LY6S: variants seen among roughly 807,000 people sequenced by gnomAD.
LY6S encodes the protein lymphocyte antigen 6S.
chr8:143,049,161 G>A, the LY6S span: 1 of 534,638 alleles, frequency 1.9e-6, no homozygotes, highest in Non-Finnish European at 3.8e-6. Flanking sequence ...CTTGGCTCGG[G>A]GACACCTGTG....
the LY6S span, among the ~76,000 whole-genome samples, chr8:143,040,961 TA>T: frequency 6.6e-6 from 1 of 152,016 alleles, no homozygotes; most frequent in Non-Finnish European, 1.5e-5. Context: ...AGTGTACAAA[TA>T]GGATGTGGGT....
the LY6S span, among the ~76,000 whole-genome samples, chr8:143,049,621 T>C: frequency 2.0e-5 from 3 of 152,200 alleles, no homozygotes; most frequent in Non-Finnish European, 4.4e-5. Flanking sequence ...AGATAGGGGT[T>C]CTCAGGGCTC....
At chr8:143,065,756 T>TTTC in the LY6S span, among the ~76,000 whole-genome samples, 212 of 123,832 alleles carry the variant, frequency 1.7e-3, no homozygotes, top group South Asian at 3.1e-3. Flanking sequence ...CTTTCTTTCT[T>TTTC]TCTTTCTTTC....
chr8:143,041,014 G>A, the LY6S span, among the ~76,000 whole-genome samples: 2 of 152,152 alleles, frequency 1.3e-5, no homozygotes, highest in Non-Finnish European at 2.9e-5. Context: ...GATATCACAA[G>A]GCAAACGGAG....
chr8:143,045,424 G>A, the LY6S span, among the ~76,000 whole-genome samples: 5 of 152,108 alleles, frequency 3.3e-5, no homozygotes, highest in East Asian at 1.9e-4. The surrounding 1 kb of genome is among the most constrained non-coding windows in gnomAD (Gnocchi z 5.3). Context: ...CCTGGGGATC[G>A]AATGAGTCCT....
the LY6S span, chr8:143,057,511 G>C: frequency 1.3e-6 from 1 of 769,340 alleles, no homozygotes; most frequent in South Asian, 1.4e-5. Context: ...GCCTCCCAAA[G>C]TGCTGGGATT....
the LY6S span, among the ~76,000 whole-genome samples, chr8:143,070,433 TTATA>T: frequency 1.2e-4 from 11 of 94,882 alleles, no homozygotes; most frequent in Non-Finnish European, 2.0e-4. Context: ...TATATATATA[TTATA>T]TATATATTGT....
chr8:143,070,438 T>C, the LY6S span, among the ~76,000 whole-genome samples: 1 of 80,614 alleles, frequency 1.2e-5, no homozygotes, highest in African/African-American at 8.3e-5. Flanking sequence ...ATATATTATA[T>C]ATATATTGTA....
At chr8:143,070,472 TATAAATATATATATA>T in the LY6S span, among the ~76,000 whole-genome samples, 1 of 39,952 alleles carries the variant, frequency 2.5e-5, no homozygotes, top group African/African-American at 7.7e-5. Context: ...ATAATATATA[TATAAATATATATATA>T]TATTTTTTTT....
chr8:143,051,526 G>A, the LY6S span, among the ~76,000 whole-genome samples: 1 of 151,960 alleles, frequency 6.6e-6, no homozygotes, highest in South Asian at 2.1e-4. Flanking sequence ...GGGTGACAGA[G>A]CAAGACTCTG....
At chr8:143,054,430 C>T in the LY6S span, 4 of 152,096 alleles carry the variant, frequency 2.6e-5, no homozygotes, top group Admixed American at 2.6e-4. Context: ...GGCCCAGTGA[C>T]CACTGCCAAC....
chr8:143,074,842 C>T, the LY6S span, among the ~76,000 whole-genome samples: 1 of 152,238 alleles, frequency 6.6e-6, no homozygotes, highest in Non-Finnish European at 1.5e-5. Flanking sequence ...GCAGGTAGAG[C>T]TCTGCCGATG....
chr8:143,043,619 AGG>A, the LY6S span, among the ~76,000 whole-genome samples: 1 of 151,114 alleles, frequency 6.6e-6, no homozygotes, highest in African/African-American at 2.4e-5. Context: ...TGGGCTGTGG[AGG>A]GGAGCTGGGT....
the LY6S span, among the ~76,000 whole-genome samples, chr8:143,073,068 T>G: frequency 5.4e-5 from 8 of 149,524 alleles, no homozygotes; most frequent in Admixed American, 6.6e-5. Context: ...TCGGGGTCCC[T>G]GTTTGAGGAG....
At chr8:143,048,627 C>A in the LY6S span, among the ~76,000 whole-genome samples, 3 of 151,954 alleles carry the variant, frequency 2.0e-5, no homozygotes, top group Non-Finnish European at 4.4e-5. Context: ...GCCACCACGC[C>A]CGGCTAATTT....
At chr8:143,053,182 G>A in the LY6S span, 1 of 152,170 alleles carries the variant, frequency 6.6e-6, no homozygotes, top group Non-Finnish European at 1.5e-5. Flanking sequence ...GTCACCAGCT[G>A]GGCCCACATG....
At chr8:143,043,120 C>T in the LY6S span, 6 of 1,367,302 alleles carry the variant, frequency 4.4e-6, no homozygotes, top group Middle Eastern at 2.1e-4. Flanking sequence ...GGGAAAGGCC[C>T]TCACAGCAGG....
the LY6S span, chr8:143,044,559 A>T: frequency 4.3e-6 from 1 of 230,066 alleles, no homozygotes; most frequent in Non-Finnish European, 7.5e-6. Flanking sequence ...CCACCTCAGG[A>T]GCCACAGACC....
the LY6S span, among the ~76,000 whole-genome samples, chr8:143,045,325 G>T: frequency 2.0e-5 from 3 of 152,124 alleles, no homozygotes; most frequent in Admixed American, 6.5e-5. The surrounding 1 kb of genome is among the most constrained non-coding windows in gnomAD (Gnocchi z 5.3). Context: ...CAGGGACAAG[G>T]TCTTCATGGC....
Sources: allele counts gnomAD v4.1 joint callset (sites outside exome capture counted in the v4.1 genomes callset), GRCh38; gene constraint gnomAD v4.1.1; non-coding constraint Gnocchi (gnomAD v3.1); transcripts MANE v1.5; gene names NCBI Gene and HGNC (gene_info 2026-07-23, HGNC 2026-07-21).